MTMR1: variants seen among roughly 807,000 people sequenced by gnomAD.
MTMR1 encodes the protein myotubularin related protein 1, also known as phosphatidylinositol-3-phosphate phosphatase MTMR1.
In MTMR1, 17 loss-of-function variants were observed where a neutral mutation model predicts 51.6. That is an observed-to-expected ratio of 0.33 (90% CI 0.23 to 0.49). The LOEUF (loss-of-function observed/expected upper bound fraction) is 0.49. Ranked by LOEUF, MTMR1 falls within the 20% of genes least tolerant of loss-of-function variation. MTMR1 has a pLI of 0.99. For missense variants in MTMR1, 386 were observed against 526.9 expected, an observed-to-expected ratio of 0.73 and a Z score of 2.62; for synonymous variants, 201 against 205.6, an observed-to-expected ratio of 0.98 and a Z score of 0.19.
intron 14 of MTMR1, among the ~76,000 whole-genome samples, chrX:150,752,149 C>T (rs1557417624): frequency 9.1e-6 from 1 of 110,364 alleles, no homozygotes; most frequent in Non-Finnish European, 1.9e-5. Context: ...AACTCCTGAC[C>T]TCAGGTGATC....
chrX:150,752,123 G>A (rs1220143707), intron 14 of MTMR1, among the ~76,000 whole-genome samples: 3 of 109,673 alleles, frequency 2.7e-5, no homozygotes, highest in African/African-American at 1.0e-4. Flanking sequence ...TCGCCATGTT[G>A]GGCAGGCTGG....
At chrX:150,743,925 T>G (rs1341686120) in intron 12 of MTMR1, among the ~76,000 whole-genome samples, 1 of 112,525 alleles carries the variant, frequency 8.9e-6, no homozygotes, top group African/African-American at 3.2e-5. Flanking sequence ...AATCATTATT[T>G]TGATTCTCAG....
intron 3 of MTMR1, among the ~76,000 whole-genome samples, chrX:150,713,449 T>C (rs892363790): frequency 3.3e-4 from 37 of 112,214 alleles, no homozygotes; most frequent in African/African-American, 1.2e-3. Context: ...TAAGGAGTTA[T>C]TGTACTTTAT....
chrX:150,693,366 G>A, upstream of MTMR1: 1 of 650,302 alleles, frequency 1.5e-6, no homozygotes, highest in Non-Finnish European at 1.8e-6. Context: ...CCGCGCGCGC[G>A]GCCTTGTGGG....
chrX:150,754,205 T>A (rs1358233533), intron 14 of MTMR1, among the ~76,000 whole-genome samples: 1 of 113,407 alleles, frequency 8.8e-6, no homozygotes, highest in Non-Finnish European at 1.9e-5. Flanking sequence ...ACGCCAGCAC[T>A]GCTGGCATTG....
intron 2 of MTMR1, among the ~76,000 whole-genome samples, chrX:150,702,088 C>CTTTT (rs34358686): frequency 4.2e-5 from 4 of 94,898 alleles, no homozygotes; most frequent in African/African-American, 7.6e-5. Flanking sequence ...TTCTTTCTTT[C>CTTTT]TTTTTTTTTT....
intron 15 of MTMR1, among the ~76,000 whole-genome samples, chrX:150,761,770 G>C (rs1314889791): frequency 1.8e-5 from 2 of 112,573 alleles, no homozygotes; most frequent in Admixed American, 9.3e-5. Context: ...GAAAAGCTGG[G>C]TCTCGGATGT....
intron 1 of MTMR1, among the ~76,000 whole-genome samples, chrX:150,695,396 G>A (rs782429752): frequency 8.9e-6 from 1 of 112,305 alleles, no homozygotes; most frequent in East Asian, 2.8e-4. Context: ...GAGACTGTCA[G>A]TAGGAGGCTA....
At position 150,699,140 on chromosome X, in the gene MTMR1, T is replaced by C. The variant is rs1349478195; in HGVS notation, c.147-55T>C. 3 of 816,471 alleles carry C rather than the reference T, an allele frequency of 3.7e-6. No individual in the cohort carries two copies. In the African/African-American group the frequency reaches 6.3e-5, roughly 17 times the overall value. The allele number at this position is 816,471 out of a possible 1,213,427, so 67.3% of individuals were successfully genotyped here. A position where few individuals can be genotyped will look rare whatever the true frequency, so the allele number is the denominator to read the frequency against. On this transcript the variant is annotated intron_variant, in intron 1 of 15. Coordinates refer to ENST00000445323, the MANE Select transcript of MTMR1 (RefSeq NM_001306144.3). ...TATCATATTCCTATTCAGTGCTAAT[T>C]TTTTCACTGAGATCCTATGATATAA...
At chrX:150,745,087 C>T (rs1214275345) in intron 13 of MTMR1, among the ~76,000 whole-genome samples, 1 of 112,616 alleles carries the variant, frequency 8.9e-6, no homozygotes, top group African/African-American at 3.2e-5. Flanking sequence ...GGCCATAAGG[C>T]CATAGTTCCT....
chrX:150,746,070 TA>T (rs1254241032), intron 13 of MTMR1, among the ~76,000 whole-genome samples: 1 of 112,514 alleles, frequency 8.9e-6, no homozygotes, highest in Non-Finnish European at 1.9e-5. Context: ...ACATTTCTGA[TA>T]AGCTCTCAGG....
intron 3 of MTMR1, chrX:150,712,995 A>G: frequency 2.2e-6 from 2 of 892,801 alleles, no homozygotes; most frequent in Non-Finnish European, 2.8e-6. Context: ...TTTAACAGAC[A>G]TTGAAAATTA....
At chrX:150,756,166 C>T (rs2042897705) in intron 15 of MTMR1, among the ~76,000 whole-genome samples, 1 of 111,664 alleles carries the variant, frequency 9.0e-6, no homozygotes, top group South Asian at 3.7e-4. Flanking sequence ...ACTACTTTAC[C>T]TGCAGATATG....
intron 4 of MTMR1, among the ~76,000 whole-genome samples, chrX:150,722,465 A>G (rs1557416606): frequency 8.9e-6 from 1 of 112,180 alleles, no homozygotes; most frequent in East Asian, 2.8e-4. Flanking sequence ...CGTTATTATC[A>G]TGAAATGACC....
chrX:150,732,866 C>T, intron 10 of MTMR1, 136 bp downstream of exon 10: 1 of 598,820 alleles, frequency 1.7e-6, no homozygotes, highest in Non-Finnish European at 2.5e-6. Context: ...GCTATTCCTC[C>T]CTGGTGTATG....
At chrX:150,727,403 C>G in intron 5 of MTMR1, 94 bp downstream of exon 5, 5 of 697,091 alleles carry the variant, frequency 7.2e-6, no homozygotes, top group Non-Finnish European at 1.1e-5. Context: ...TCCCATTACC[C>G]TGAGATAACC....
intron 15 of MTMR1, among the ~76,000 whole-genome samples, chrX:150,759,331 G>T (rs2043007614): frequency 8.9e-6 from 1 of 112,264 alleles, no homozygotes; most frequent in Admixed American, 9.4e-5. Context: ...GGGCTACAGA[G>T]TGTCAGAAGT....
At chrX:150,761,938 C>G (rs2043147157) in intron 15 of MTMR1, among the ~76,000 whole-genome samples, 2 of 112,158 alleles carry the variant, frequency 1.8e-5, no homozygotes, top group African/African-American at 6.5e-5. Flanking sequence ...AAGAGAAAAG[C>G]TAATTAAAGG....
intron 14 of MTMR1, 80 bp from the exon 15 acceptor site, chrX:150,755,609 C>T (rs1230363690): frequency 1.0e-5 from 8 of 774,393 alleles, no homozygotes; most frequent in Non-Finnish European, 1.4e-5. Flanking sequence ...CTTCATTATT[C>T]AAGTCCTTTT....
Sources: gnomAD v4.1 joint callset for allele counts (sites outside exome capture counted in the v4.1 genomes callset) on GRCh38, gnomAD v4.1.1 for gene constraint, MANE v1.5 for transcripts, NCBI Gene and HGNC (gene_info 2026-07-23, HGNC 2026-07-21) for gene names.